Variants in UBR4 observed in about 807,000 individuals in gnomAD.
UBR4 encodes ubiquitin protein ligase E3 component n-recognin 4.
In UBR4, 124 loss-of-function variants were observed where a neutral mutation model predicts 575.6. The ratio of observed to expected loss-of-function variants is 0.22; its 90% CI spans 0.19 to 0.25. The LOEUF is 0.25. UBR4 is among the 10% of genes least tolerant of loss of function. UBR4 has a pLI of 1.00. For synonymous variants in UBR4, 2,455 were observed against 2,473.7 expected, an observed-to-expected ratio of 0.99 and a Z score of 0.22; for missense variants, 4,818 against 6,478.8, an observed-to-expected ratio of 0.74 and a Z score of 8.80.
chr1:19,102,926 T>A (rs1277749854), intron 87 of UBR4, among the ~76,000 whole-genome samples: 1 of 152,210 alleles, frequency 6.6e-6, no homozygotes, highest in African/African-American at 2.4e-5. Context: ...TGAAAACTTG[T>A]AATGAGCTGT....
chr1:19,192,574 C>G, intron 9 of UBR4, 34 bp from the exon 10 acceptor site: 1 of 1,610,310 alleles, frequency 6.2e-7, no homozygotes, highest in Non-Finnish European at 8.5e-7. Context: ...AAAATCTGAA[C>G]AAGCTGACAG....
At chr1:19,119,759 T>A in intron 69 of UBR4, 58 bp from the exon 70 acceptor site, 1 of 1,569,938 alleles carries the variant, frequency 6.4e-7, no homozygotes, top group Non-Finnish European at 8.7e-7. Flanking sequence ...GGCACCTGTG[T>A]TTATCATTGA....
In UBR4 at chr1:19,129,066, A is replaced by G. The variant is rs375934479; in HGVS notation, c.8915T>C (p.Met2972Thr). The part of the protein sequence containing the change: ...GDVHTSNRLH[M>T]VRLMLLERLL... ...TCTCTCCAACAGCATTAGACGGACC[A>G]TGTGCAGCCTAAAAGGGTGGGGAAA... Residue 2972 changes from methionine (M) to threonine (T), a missense_variant, in exon 61 of 106, where the codon ATG (methionine) becomes ACG (threonine). Around this residue, in one of 29 missense-constraint regions of UBR4, gnomAD observed 87 missense variants for 82.8 expected, o/e 1.05. Transcript: ENST00000375254. 1 of 1,613,994 alleles carries G rather than the reference A, an allele frequency of 6.2e-7. No individual in the cohort carries two copies. The highest frequency in any genetic ancestry group is 1.3e-5 in the African/African-American group (1 of 74,920).
chr1:19,199,036 T>C (rs928031449), intron 3 of UBR4, 108 bp from the exon 4 acceptor site: 5 of 1,330,932 alleles, frequency 3.8e-6, no homozygotes, highest in Non-Finnish European at 4.1e-6. Context: ...TTTAGGTTCA[T>C]ATAAACACTA....
intron 57 of UBR4, 57 bp downstream of exon 57, chr1:19,141,285 GCCAAA>G: frequency 6.2e-7 from 1 of 1,609,944 alleles, no homozygotes; most frequent in East Asian, 2.2e-5. Flanking sequence ...ATCAGTAACT[GCCAAA>G]CCCTCTTTTC....
chr1:19,187,586 T>G, intron 11 of UBR4, 46 bp from the exon 12 acceptor site: 1 of 1,585,126 alleles, frequency 6.3e-7, no homozygotes, highest in Non-Finnish European at 8.6e-7. Context: ...TAATTAACAA[T>G]AAATTACAAC....
chr1:19,157,665 A>G lies in UBR4; in HGVS notation c.5760+150T>C. Reference sequence around the variant, plus strand: ...TCAATTCAGGGTTCAAGTATTTGAAAAGCTCAACAAGATCTGTCCCTGAAG... The same window carrying G: ...TCAATTCAGGGTTCAAGTATTTGAAGAGCTCAACAAGATCTGTCCCTGAAG... On this transcript the variant is annotated intron_variant, in intron 40 of 105. Transcript: ENST00000375254. This position sits in a 1 kb window ranked among gnomAD's most constrained non-coding sequence, Gnocchi z 4.4. The G allele has an allele frequency of 1.0e-6, 1 of 1,004,988 alleles. No individual in the cohort carries two copies. The highest frequency in any genetic ancestry group is 1.4e-6 in the Non-Finnish European group (1 of 706,162). 62.3% of individuals were successfully genotyped at this position (1,004,988 alleles called of 1,614,324 possible). A position where few individuals can be genotyped will look rare whatever the true frequency, so the allele number is the denominator to read the frequency against.
chr1:19,149,259 A>G (rs1005098488), intron 49 of UBR4, among the ~76,000 whole-genome samples: 4 of 152,198 alleles, frequency 2.6e-5, no homozygotes, highest in Admixed American at 6.5e-5. Flanking sequence ...ACTCCTTTCA[A>G]TTTAATGTGG....
At chr1:19,140,668 C>T in intron 58 of UBR4, 120 bp downstream of exon 58, 2 of 1,040,704 alleles carry the variant, frequency 1.9e-6, no homozygotes, top group Non-Finnish European at 2.8e-6. Flanking sequence ...AAAGCCAAGG[C>T]AGAAGCAGGA....
At chr1:19,115,323 C>T (rs983146015) in intron 74 of UBR4, 75 bp downstream of exon 74, 4 of 1,556,076 alleles carry the variant, frequency 2.6e-6, no homozygotes, top group Non-Finnish European at 3.5e-6. Context: ...ACTGTAATTG[C>T]TCACACTGAC....
chr1:19,094,637 CTCTG>C (rs2077847360), intron 94 of UBR4, among the ~76,000 whole-genome samples: 3 of 152,366 alleles, frequency 2.0e-5, no homozygotes, highest in South Asian at 2.1e-4. Flanking sequence ...GGACTAAAGC[CTCTG>C]TCTATCAACT....
In UBR4 at chr1:19,114,962, A is replaced by C. The variant is rs756804226; in HGVS notation, c.11064-13T>G. On this transcript the variant is annotated splice_polypyrimidine_tract_variant and intron_variant, in intron 74 of 105. Coordinates refer to ENST00000375254, the MANE Select transcript of UBR4 (RefSeq NM_020765.3). ...GTAGTTGATGGATCTGAGTAACCAA[A>C]GCGTTTGGGTCAGTAAGGTGACAAG... 2 of 1,614,136 alleles carry C rather than the reference A, an allele frequency of 1.2e-6. No individual in the cohort carries two copies. Among genetic ancestry groups the C allele is most frequent in the African/African-American group, 1.3e-5 (1 of 75,040 alleles).
chr1:19,158,486 C>A (rs1014952047), intron 39 of UBR4, among the ~76,000 whole-genome samples: 1 of 151,978 alleles, frequency 6.6e-6, no homozygotes, highest in Middle Eastern at 3.4e-3. Context: ...CTCTCTGTCA[C>A]CCAGGTTGGA....
chr1:19,094,801 C>T (rs1032929015), intron 94 of UBR4, 105 bp downstream of exon 94: 72 of 1,461,882 alleles, frequency 4.9e-5, no homozygotes, highest in Non-Finnish European at 5.9e-5. Flanking sequence ...AAGCAGGCTC[C>T]GCCATTCTCA....
rs987409234 is a variant in UBR4 at position 19,093,897 on chromosome 1, C to T, written c.13937+52G>A. On this transcript the variant is annotated intron_variant, in intron 95 of 105. Coordinates refer to ENST00000375254, the MANE Select transcript of UBR4 (RefSeq NM_020765.3). This position sits in a 1 kb window ranked among gnomAD's most constrained non-coding sequence, Gnocchi z 4.8. ...TCTTCCTCATCTCACAGACCTAGTT[C>T]GGCGTTTTAGTGGAGACTCTCATTT... is the stretch of plus-strand genomic sequence containing the variant. 5.1e-6 allele frequency: 8 copies of T among 1,562,304 alleles called. No individual in the cohort carries two copies. The highest frequency in any genetic ancestry group is 1.7e-4 in the Middle Eastern group (1 of 5,834).
intron 11 of UBR4, 89 bp downstream of exon 11, chr1:19,192,099 T>A (rs891475302): frequency 1.4e-6 from 2 of 1,464,468 alleles, no homozygotes; most frequent in Non-Finnish European, 1.8e-6. Flanking sequence ...CAAATTTTCC[T>A]ATTGATATGA....
At chr1:19,191,920 T>C (rs2092116652) in intron 11 of UBR4, among the ~76,000 whole-genome samples, 1 of 152,232 alleles carries the variant, frequency 6.6e-6, no homozygotes, top group Admixed American at 6.5e-5. Flanking sequence ...TGATGTGAAC[T>C]TCATAAAATT....
At chr1:19,149,707 C>T in intron 49 of UBR4, 1 of 1,272,316 alleles carries the variant, frequency 7.9e-7, no homozygotes, top group Non-Finnish European at 1.0e-6. Flanking sequence ...CCATTGGTTA[C>T]ACGGCTCTCT....
intron 25 of UBR4, among the ~76,000 whole-genome samples, chr1:19,171,934 AC>A (rs992215075): frequency 2.0e-4 from 30 of 152,130 alleles, no homozygotes; most frequent in African/African-American, 7.0e-4. Flanking sequence ...CCCGGTGAAA[AC>A]TGCTGCAAAG....
Sources: gnomAD v4.1 joint callset for allele counts (sites outside exome capture counted in the v4.1 genomes callset) on GRCh38, gnomAD v4.1.1 for gene constraint, gnomAD v4.1.1 regional missense constraint, Gnocchi (gnomAD v3.1) non-coding constraint, MANE v1.5 for transcripts, NCBI Gene and HGNC (gene_info 2026-07-23, HGNC 2026-07-21) for gene names.